Variants in IMPA2 observed in about 807,000 individuals in gnomAD.
IMPA2 encodes the protein IMP 2.
Under a neutral mutation model 35.1 loss-of-function variants are expected in IMPA2, and 32 were observed. That is an observed-to-expected ratio of 0.91 (90% confidence interval 0.69 to 1.23). The LOEUF is 1.23. IMPA2 is among the 50% of genes most tolerant of loss of function. The probability of loss-of-function intolerance (pLI) is 0.00; values close to 1 mark genes in which losing one functional copy is unlikely to be tolerated. For missense variants in IMPA2, 334 were observed against 387.6 expected, an observed-to-expected ratio of 0.86 and a Z score of 1.16; for synonymous variants, 135 against 160.6, an observed-to-expected ratio of 0.84 and a Z score of 1.20.
rs534026087 is a variant in IMPA2 at position 11,990,972 on chromosome 18, C to T, written c.97-8082C>T. ...TACATGTGAACTGCTCAGAACAGCA[C>T]GGGGCAGAAGAAGCGCTCTGTAAGC... is the stretch of plus-strand genomic sequence containing the variant. On this transcript the variant is annotated intron_variant, in intron 1 of 7. Coordinates refer to ENST00000269159, the MANE Select transcript of IMPA2 (RefSeq NM_014214.3). Among the ~76,000 whole-genome samples the T allele has an allele frequency of 9.8e-5, 15 of 152,310 alleles. 1 individual carries two copies. The highest frequency in any genetic ancestry group is 8.3e-4 in the South Asian group (4 of 4,828).
intron 4 of IMPA2, among the ~76,000 whole-genome samples, chr18:12,013,485 G>A (rs1292065580): frequency 6.6e-6 from 1 of 152,102 alleles, no homozygotes; most frequent in East Asian, 1.9e-4. Context: ...CTCACCCCAG[G>A]GCCAGCCAAG....
chr18:12,003,989 T>G (rs2143796062), intron 2 of IMPA2, among the ~76,000 whole-genome samples: 1 of 152,340 alleles, frequency 6.6e-6, no homozygotes. Flanking sequence ...TTAGCTGTCT[T>G]CCCAGCCCTG....
At chr18:11,982,463 A>G (rs1906531299) in intron 1 of IMPA2, among the ~76,000 whole-genome samples, 2 of 152,194 alleles carry the variant, frequency 1.3e-5, no homozygotes, top group Admixed American at 1.3e-4. Flanking sequence ...TGGTTCTCCC[A>G]GGACTGTAAG....
intron 2 of IMPA2, among the ~76,000 whole-genome samples, chr18:12,000,413 T>C (rs1369317384): frequency 1.3e-5 from 2 of 151,698 alleles, no homozygotes; most frequent in African/African-American, 4.8e-5. Flanking sequence ...CCTTCTTTTT[T>C]TTTCCCGTCG....
chr18:12,022,528 A>AAAATATATATATAT lies in IMPA2; in HGVS notation c.491-5514_491-5513insAATATATATATATA, dbSNP rs68185380. ...CAGAATGGGGCTCCATCTCAAAAAG[A>AAAATATATATATAT]ATATATATATATATATATATATATA... On this transcript the variant is annotated intron_variant, in intron 5 of 7. Transcript: ENST00000269159. Among the ~76,000 whole-genome samples, 321 of 96,792 alleles carry AAAATATATATATAT rather than the reference A, an allele frequency of 3.3e-3. 15 individuals are homozygous for AAAATATATATATAT. Among genetic ancestry groups the AAAATATATATATAT allele is most frequent in the African/African-American group, 0.013 (305 of 23,144 alleles). 63.5% of individuals were successfully genotyped at this position (96,792 alleles called of 152,430 possible).
intron 2 of IMPA2, among the ~76,000 whole-genome samples, chr18:12,003,848 G>A (rs1907183010): frequency 6.6e-6 from 1 of 152,162 alleles, no homozygotes; most frequent in Non-Finnish European, 1.5e-5. Context: ...ACTTGGAAAA[G>A]ATTCAGTAGC....
At position 12,028,135 on chromosome 18, in the gene IMPA2, C is replaced by T; in HGVS notation, c.583C>T (p.His195Tyr). The T allele has an allele frequency of 6.2e-7, 1 of 1,612,092 alleles. No individual in the cohort carries two copies. The highest frequency in any genetic ancestry group is 1.1e-5 in the South Asian group (1 of 91,022). The change falls in exon 6 of 8, where the codon CAT (histidine) becomes TAT (tyrosine). Residue 195 changes from histidine (H) to tyrosine (Y), a missense_variant. Transcript: ENST00000269159. ...LFLSNMERLL[H>Y]AKAHGVRVIG... The stretch of plus-strand genomic sequence containing the variant: ...CCTGAGTAACATGGAGCGGCTGCTG[C>T]ATGCCAAGGCGCATGGGTAGGAGGT...
chr18:12,008,258 A>G, intron 2 of IMPA2: 1 of 485,256 alleles, frequency 2.1e-6, no homozygotes, highest in Admixed American at 2.2e-5. Flanking sequence ...GGCCTCCCAC[A>G]GTGCTGGGAT....
chr18:12,028,661 G>A (rs935963330), intron 6 of IMPA2, 181 bp from the exon 7 acceptor site: 17 of 685,620 alleles, frequency 2.5e-5, no homozygotes, highest in Non-Finnish European at 3.4e-5. Flanking sequence ...TGCGTCTGGC[G>A]GAGGCCTGTT....
chr18:11,992,794 G>GA (rs1906853946), intron 1 of IMPA2, among the ~76,000 whole-genome samples: 1 of 152,158 alleles, frequency 6.6e-6, no homozygotes, highest in African/African-American at 2.4e-5. Context: ...GGTTCAGCGG[G>GA]ACCTTACCTG....
In IMPA2 at chr18:12,020,718, TATTC is replaced by T. The variant is rs10554516; in HGVS notation, c.490+6349_490+6352del. 7.2e-3 allele frequency among the ~76,000 whole-genome samples: 1,090 copies of T among 152,292 alleles called. 11 individuals are homozygous for T. Among genetic ancestry groups the T allele is most frequent in the African/African-American group, 0.024 (1,016 of 41,562 alleles). On this transcript the variant is annotated intron_variant, in intron 5 of 7. Coordinates refer to ENST00000269159, the MANE Select transcript of IMPA2 (RefSeq NM_014214.3). ...CCTGCAAAGCATAATCTCTTGTGTT[TATTC>T]ATTATGTTCCTTTTAGTTTGTCTTC...
At chr18:12,001,672 A>T (rs1336730518) in intron 2 of IMPA2, among the ~76,000 whole-genome samples, 1 of 152,214 alleles carries the variant, frequency 6.6e-6, no homozygotes, top group Non-Finnish European at 1.5e-5. Flanking sequence ...TTGAGGCCTT[A>T]GGGTTGCCAG....
chr18:12,025,672 C>T (rs1907862228), intron 5 of IMPA2, among the ~76,000 whole-genome samples: 2 of 152,212 alleles, frequency 1.3e-5, no homozygotes, highest in Non-Finnish European at 2.9e-5. Context: ...GTCTGTCTCC[C>T]AGGTTCAAGC....
chr18:12,022,008 A>G (rs560936790), intron 5 of IMPA2, among the ~76,000 whole-genome samples: 3 of 152,288 alleles, frequency 2.0e-5, no homozygotes, highest in African/African-American at 7.2e-5. Flanking sequence ...TCCTATTTCA[A>G]AATGTATGAG....
intron 2 of IMPA2, among the ~76,000 whole-genome samples, chr18:12,000,734 G>A (rs1907092942): frequency 6.7e-6 from 1 of 149,938 alleles, no homozygotes; most frequent in African/African-American, 2.5e-5. Flanking sequence ...TCCTGCCTCA[G>A]CCTCCTGAGT....
At chr18:12,018,822 TTTA>T (rs1210300944) in intron 5 of IMPA2, among the ~76,000 whole-genome samples, 1 of 152,012 alleles carries the variant, frequency 6.6e-6, no homozygotes, top group Non-Finnish European at 1.5e-5. Flanking sequence ...TTTGGTGTCT[TTTA>T]TTATTATTAT....
At chr18:12,011,331 C>T (rs982769309) in intron 3 of IMPA2, among the ~76,000 whole-genome samples, 1 of 152,230 alleles carries the variant, frequency 6.6e-6, no homozygotes, top group African/African-American at 2.4e-5. Context: ...CCACCAGCAT[C>T]TGCCACTCAG....
At chr18:12,000,773 G>A (rs1325921987) in intron 2 of IMPA2, among the ~76,000 whole-genome samples, 1 of 150,934 alleles carries the variant, frequency 6.6e-6, no homozygotes, top group Admixed American at 6.6e-5. Flanking sequence ...CCGCCACCAC[G>A]CCCAGCTAAT....
Position 11,981,639 on chromosome 18 carries a change from G to A in IMPA2, c.-31G>A, listed in dbSNP as rs1397227880. 18 of 1,221,196 alleles carry A rather than the reference G, an allele frequency of 1.5e-5. No homozygotes were observed. The highest frequency in any genetic ancestry group is 1.8e-5 in the Non-Finnish European group (18 of 979,150). 75.6% of individuals were successfully genotyped at this position (1,221,196 alleles called of 1,614,324 possible). ...GGGAGCCGGAGTCCCGCCGAGGGGG[G>A]CTGGAGGTGGAGGGGCCCGGCGAGG... On this transcript the variant is annotated 5_prime_UTR_variant, in exon 1 of 8. Transcript: ENST00000269159.
Sources: gnomAD v4.1 joint callset for allele counts (sites outside exome capture counted in the v4.1 genomes callset) on GRCh38, gnomAD v4.1.1 for gene constraint, MANE v1.5 for transcripts, NCBI Gene and HGNC (gene_info 2026-07-23, HGNC 2026-07-21) for gene names.